The following EFR3A variants were observed in gnomAD, a reference collection of about 807,000 sequenced individuals.
EFR3A encodes the protein EFR3 homolog A, also known as protein EFR3 homolog A.
In EFR3A, 76 loss-of-function variants were observed where a neutral mutation model predicts 104.4. That is an observed-to-expected ratio of 0.73 (90% CI 0.60 to 0.88). The LOEUF (loss-of-function observed/expected upper bound fraction) is 0.88, where lower values mean the gene tolerates loss of function less well. Ranked by LOEUF, EFR3A falls within the 40% of genes least tolerant of loss-of-function variation. The probability of loss-of-function intolerance (pLI) is 0.00; values close to 1 mark genes in which losing one functional copy is unlikely to be tolerated. For synonymous variants in EFR3A, 330 were observed against 330.0 expected (o/e 1.00, Z 0.00); for missense variants, 985 against 1,012.5 (o/e 0.97, Z 0.37).
Position 132,011,575 on chromosome 8 carries a change from C to A in EFR3A, c.*680C>A. ...TCCTGCCAAGAGTTTGACCATTCTG[C>A]TTGAGAAGTGTAGAGCTTACTCTTG... On this transcript the variant is annotated 3_prime_UTR_variant, in exon 23 of 23. Coordinates refer to ENST00000254624, the MANE Select transcript of EFR3A (RefSeq NM_015137.6). The A allele has an allele frequency of 2.9e-6, 1 of 341,118 alleles. No homozygotes were observed. The highest frequency in any genetic ancestry group is 4.2e-6 in the Non-Finnish European group (1 of 240,776). 21.1% of individuals were successfully genotyped at this position (341,118 alleles called of 1,614,324 possible).
intron 8 of EFR3A, among the ~76,000 whole-genome samples, chr8:131,963,506 A>C (rs949630504): frequency 8.5e-5 from 13 of 152,136 alleles, no homozygotes; most frequent in African/African-American, 1.2e-4. Flanking sequence ...ACACACCCTC[A>C]CAAGACTAAA....
chr8:131,950,110 A>T lies in EFR3A; in HGVS notation c.488+20A>T. On this transcript the variant is annotated intron_variant, in intron 5 of 22. Coordinates refer to ENST00000254624, the MANE Select transcript of EFR3A (RefSeq NM_015137.6). Reference sequence around the variant, plus strand: ...AACAGAGTATGTATTATTTTACTTTATGATCTATAGTAAGTAATTTAGAGA... The same window carrying T: ...AACAGAGTATGTATTATTTTACTTTTTGATCTATAGTAAGTAATTTAGAGA... 6.3e-7 allele frequency: 1 copy of T among 1,580,810 alleles called. No homozygotes were observed. The highest frequency in any genetic ancestry group is 8.6e-7 in the Non-Finnish European group (1 of 1,160,898).
intron 11 of EFR3A, 150 bp downstream of exon 11, chr8:131,976,291 T>G (rs1179843453): frequency 1.6e-6 from 1 of 606,888 alleles, no homozygotes; most frequent in Non-Finnish European, 2.9e-6. Context: ...GACAGTAGAT[T>G]GCTAAGCAAT....
At chr8:131,981,433 A>G (rs1452040433) in intron 14 of EFR3A, among the ~76,000 whole-genome samples, 1 of 152,066 alleles carries the variant, frequency 6.6e-6, no homozygotes, top group Non-Finnish European at 1.5e-5. Context: ...AATGTAAACC[A>G]TTCCTTTTTG....
At chr8:131,906,481 C>T (rs1157457028) in intron 1 of EFR3A, among the ~76,000 whole-genome samples, 2 of 152,092 alleles carry the variant, frequency 1.3e-5, no homozygotes, top group Non-Finnish European at 2.9e-5. Context: ...TCTACAATTC[C>T]GAGAGCAACC....
intron 2 of EFR3A, among the ~76,000 whole-genome samples, chr8:131,943,846 T>C (rs548772069): frequency 1.3e-3 from 199 of 152,128 alleles, no homozygotes; most frequent in Non-Finnish European, 2.5e-3. Context: ...ATGTGATGGC[T>C]TCCACCTTCT....
chr8:131,906,361 G>C (rs916520262), intron 1 of EFR3A, among the ~76,000 whole-genome samples: 9 of 152,184 alleles, frequency 5.9e-5, no homozygotes, highest in Non-Finnish European at 1.3e-4. Context: ...TTGATTGGTT[G>C]TTTTAATGTT....
At chr8:131,918,453 T>G (rs1469474439) in intron 1 of EFR3A, among the ~76,000 whole-genome samples, 1 of 152,252 alleles carries the variant, frequency 6.6e-6, no homozygotes, top group Non-Finnish European at 1.5e-5. Context: ...CTTTGAATGC[T>G]TAAATTAGTA....
At chr8:131,922,515 A>C (rs1218526306) in intron 1 of EFR3A, among the ~76,000 whole-genome samples, 1 of 152,162 alleles carries the variant, frequency 6.6e-6, no homozygotes, top group Non-Finnish European at 1.5e-5. Flanking sequence ...CATTTTTGAT[A>C]AGGTTAATTC....
chr8:131,983,136 TCTC>T (rs2130748522), intron 14 of EFR3A, among the ~76,000 whole-genome samples: 1 of 152,244 alleles, frequency 6.6e-6, no homozygotes, highest in South Asian at 2.1e-4. Context: ...CCCAGTTTCT[TCTC>T]CTAAAATGAT....
chr8:131,975,397 T>C (rs1213920778), intron 10 of EFR3A, among the ~76,000 whole-genome samples: 1 of 147,774 alleles, frequency 6.8e-6, no homozygotes, highest in African/African-American at 2.5e-5. Flanking sequence ...TATTTTTCCT[T>C]CTTTTTTTTT....
chr8:132,011,490 C>T lies in EFR3A; in HGVS notation c.*595C>T, dbSNP rs1822342672. 3.3e-6 allele frequency: 3 copies of T among 903,438 alleles called. No individual in the cohort carries two copies. The highest frequency in any genetic ancestry group is 4.0e-6 in the Non-Finnish European group (3 of 755,216). 56.0% of individuals were successfully genotyped at this position (903,438 alleles called of 1,614,324 possible). A position where few individuals can be genotyped will look rare whatever the true frequency, so the allele number is the denominator to read the frequency against. On this transcript the variant is annotated 3_prime_UTR_variant, in exon 23 of 23. Transcript: ENST00000254624. ...ATAGGACATCTGTTGAATAGCATTC[C>T]TCGAATATAACCCTAAAAACGCCAT... is the stretch of plus-strand genomic sequence containing the variant.
chr8:131,958,976 C>T (rs1351034671), intron 7 of EFR3A, among the ~76,000 whole-genome samples: 1 of 152,136 alleles, frequency 6.6e-6, no homozygotes, highest in East Asian at 1.9e-4. Flanking sequence ...AAGTAACTCA[C>T]TCATGGACAA....
At chr8:131,914,208 G>T (rs1486104058) in intron 1 of EFR3A, among the ~76,000 whole-genome samples, 1 of 152,146 alleles carries the variant, frequency 6.6e-6, no homozygotes, top group Non-Finnish European at 1.5e-5. Context: ...GGCTTCTCCT[G>T]TTTTCTTAGC....
At chr8:131,967,571 CAA>C (rs34303335) in intron 8 of EFR3A, among the ~76,000 whole-genome samples, 89 of 114,308 alleles carry the variant, frequency 7.8e-4, no homozygotes, top group Admixed American at 1.6e-3. Context: ...TGCTGTTCTT[CAA>C]AAAAAAAAAA....
chr8:131,987,465 G>T (rs1820943294), intron 17 of EFR3A, 110 bp from the exon 18 acceptor site: 2 of 1,213,910 alleles, frequency 1.6e-6, no homozygotes, highest in Admixed American at 6.2e-5. Flanking sequence ...AGTTTACATT[G>T]TGTTTATATT....
intron 1 of EFR3A, among the ~76,000 whole-genome samples, chr8:131,907,309 T>C (rs1816302730): frequency 6.6e-6 from 1 of 152,338 alleles, no homozygotes; most frequent in African/African-American, 2.4e-5. Flanking sequence ...AAACTTTTAG[T>C]AAACTCCTTA....
intron 1 of EFR3A, among the ~76,000 whole-genome samples, chr8:131,925,921 G>A (rs539951424): frequency 4.5e-4 from 68 of 151,924 alleles, no homozygotes; most frequent in African/African-American, 1.6e-3. Context: ...GGCTAATGTT[G>A]GTATTCATTG....
intron 3 of EFR3A, among the ~76,000 whole-genome samples, chr8:131,945,771 T>C (rs1818406065): frequency 6.6e-6 from 1 of 152,072 alleles, no homozygotes; most frequent in African/African-American, 2.4e-5. Flanking sequence ...ATTTATCACT[T>C]CTGTGTGTTG....
Sources: gnomAD v4.1 joint callset for allele counts (sites outside exome capture counted in the v4.1 genomes callset) on GRCh38, gnomAD v4.1.1 for gene constraint, MANE v1.5 for transcripts, NCBI Gene and HGNC (gene_info 2026-07-23, HGNC 2026-07-21) for gene names.